The following WWOX variants were observed in gnomAD, a reference collection of about 807,000 sequenced individuals.
WWOX encodes the protein WW domain containing oxidoreductase, also known as WW domain-containing oxidoreductase.
In WWOX, 69 loss-of-function variants were observed where a neutral mutation model predicts 46.2. That is an observed-to-expected ratio of 1.49 (90% CI 1.23 to 1.82). WWOX has a LOEUF of 1.82. Among genes scored for constraint, WWOX ranks in the 40% most tolerant of loss-of-function variants. The probability of loss-of-function intolerance (pLI) is 0.00; values close to 1 mark genes in which losing one functional copy is unlikely to be tolerated. For synonymous variants in WWOX, 359 were observed against 202.6 expected, an observed-to-expected ratio of 1.77 and a Z score of -6.56; for missense variants, 919 against 542.6, an observed-to-expected ratio of 1.69 and a Z score of -6.89.
intron 8 of WWOX, among the ~76,000 whole-genome samples, chr16:79,083,588 C>A (rs2048801176): frequency 6.6e-6 from 1 of 152,214 alleles, no homozygotes; most frequent in Admixed American, 6.5e-5. Context: ...CGTATGGCTG[C>A]AACATCCTTC....
At chr16:78,781,530 G>T (rs1321318123) in intron 8 of WWOX, among the ~76,000 whole-genome samples, 3 of 152,180 alleles carry the variant, frequency 2.0e-5, no homozygotes, top group Non-Finnish European at 4.4e-5. Context: ...AATGGGCGAT[G>T]GGTTAATACC....
intron 8 of WWOX, among the ~76,000 whole-genome samples, chr16:79,139,820 A>AAT (rs2050054334): frequency 6.6e-6 from 1 of 152,194 alleles, no homozygotes; most frequent in Non-Finnish European, 1.5e-5. Context: ...TGCCCGAATG[A>AAT]CTTTAGTGAC....
chr16:78,412,458 G>C (rs2151950809), intron 6 of WWOX, among the ~76,000 whole-genome samples: 1 of 152,296 alleles, frequency 6.6e-6, no homozygotes, highest in East Asian at 1.9e-4. Context: ...ATTTTGTTCG[G>C]AGTCATGGAT....
intron 5 of WWOX, among the ~76,000 whole-genome samples, chr16:78,353,938 A>C (rs1231692593): frequency 1.3e-5 from 2 of 152,184 alleles, no homozygotes; most frequent in Non-Finnish European, 2.9e-5. Context: ...CCTTAAGTGA[A>C]CATCTGTCTA....
intron 5 of WWOX, among the ~76,000 whole-genome samples, chr16:78,238,674 C>T (rs2037522974): frequency 6.6e-6 from 1 of 152,088 alleles, no homozygotes; most frequent in African/African-American, 2.4e-5. Context: ...GGCTGGAGTG[C>T]AGTGGTGTGA....
intron 5 of WWOX, among the ~76,000 whole-genome samples, chr16:78,251,083 G>T (rs1345684329): frequency 6.6e-6 from 1 of 152,160 alleles, no homozygotes; most frequent in Non-Finnish European, 1.5e-5. Flanking sequence ...ACCGCTATTG[G>T]GGTGTGTTCA....
At chr16:79,011,751 C>G (rs984300686) in intron 8 of WWOX, among the ~76,000 whole-genome samples, 1 of 151,976 alleles carries the variant, frequency 6.6e-6, no homozygotes, top group East Asian at 1.9e-4. Flanking sequence ...CTTTGGCCTC[C>G]CAAAGTGCTG....
At chr16:78,734,680 C>A (rs865868459) in intron 8 of WWOX, among the ~76,000 whole-genome samples, 1 of 151,732 alleles carries the variant, frequency 6.6e-6, no homozygotes, top group Non-Finnish European at 1.5e-5. Context: ...GAGTGTGTTT[C>A]TGGGTGAGGT....
chr16:78,864,523 C>A (rs1056544598), intron 8 of WWOX, among the ~76,000 whole-genome samples: 3 of 152,092 alleles, frequency 2.0e-5, no homozygotes, highest in African/African-American at 7.2e-5. Flanking sequence ...CCTGCCTTGG[C>A]CTCCCAAAAT....
At chr16:79,190,282 C>T (rs150424186) in intron 8 of WWOX, among the ~76,000 whole-genome samples, 2,673 of 152,230 alleles carry the variant, frequency 0.018, 88 homozygotes, top group African/African-American at 0.061. Context: ...GCCTCAGCCT[C>T]TCACAGTGCT....
chr16:78,642,338 C>T (rs958752272), intron 8 of WWOX, among the ~76,000 whole-genome samples: 4 of 152,128 alleles, frequency 2.6e-5, no homozygotes, highest in Non-Finnish European at 4.4e-5. Flanking sequence ...GAACCCAGGG[C>T]TTCTGTCTCC....
In WWOX at chr16:78,793,511, T is replaced by C. The variant is rs527555563; in HGVS notation, c.1056+360759T>C. On this transcript the variant is annotated intron_variant, in intron 8 of 8. Coordinates refer to ENST00000566780, the MANE Select transcript of WWOX (RefSeq NM_016373.4). ...CCCAGATATGGCTTCATTTTTTAAATGAAATTTTGCAGGTCATTAGCTCAT... is the reference window on the plus strand; with the variant it reads ...CCCAGATATGGCTTCATTTTTTAAACGAAATTTTGCAGGTCATTAGCTCAT... Among the ~76,000 whole-genome samples the C allele has an allele frequency of 1.9e-4, 29 of 152,332 alleles. No homozygotes were observed. The South Asian group carries it at 5.8e-3, about 31-fold the overall frequency.
intron 8 of WWOX, among the ~76,000 whole-genome samples, chr16:78,781,330 G>A (rs2050318259): frequency 6.6e-6 from 1 of 152,146 alleles, no homozygotes; most frequent in Non-Finnish European, 1.5e-5. Context: ...GGAAAGGGGA[G>A]CTGTGTTTGA....
intron 8 of WWOX, among the ~76,000 whole-genome samples, chr16:78,802,322 C>G (rs62038642): frequency 0.036 from 5,336 of 147,210 alleles, 117 homozygotes; most frequent in Admixed American, 0.051. Flanking sequence ...CTATAGGACA[C>G]AGAAAGGAAC....
At chr16:78,474,630 A>G (rs1322233538) in intron 8 of WWOX, among the ~76,000 whole-genome samples, 3 of 151,998 alleles carry the variant, frequency 2.0e-5, no homozygotes, top group African/African-American at 7.3e-5. Context: ...TAAAGTGTAC[A>G]ATTCAATGGC....
intron 5 of WWOX, among the ~76,000 whole-genome samples, chr16:78,180,089 C>T (rs774908138): frequency 2.0e-5 from 3 of 152,150 alleles, no homozygotes; most frequent in Non-Finnish European, 2.9e-5. Context: ...ACTGAAGTCT[C>T]CCCAATTCAT....
chr16:78,692,532 A>C (rs1023448648), intron 8 of WWOX, among the ~76,000 whole-genome samples: 1 of 152,176 alleles, frequency 6.6e-6, no homozygotes, highest in Non-Finnish European at 1.5e-5. Context: ...TAAGACGTCC[A>C]AGGAGCTCTT....
chr16:79,025,260 G>A (rs2047615139), intron 8 of WWOX, among the ~76,000 whole-genome samples: 1 of 152,202 alleles, frequency 6.6e-6, no homozygotes, highest in Non-Finnish European at 1.5e-5. Flanking sequence ...CTGGGAAGGA[G>A]CTGTCCATAA....
At chr16:79,109,172 C>A (rs1450726839) in intron 8 of WWOX, among the ~76,000 whole-genome samples, 1 of 152,080 alleles carries the variant, frequency 6.6e-6, no homozygotes. Context: ...CAGGCCAGTT[C>A]CAGGACTCTG....
Sources: allele counts gnomAD v4.1 joint callset (sites outside exome capture counted in the v4.1 genomes callset), GRCh38; gene constraint gnomAD v4.1.1; transcripts MANE v1.5; gene names NCBI Gene and HGNC (gene_info 2026-07-23, HGNC 2026-07-21).